THRB: variants seen among roughly 807,000 people sequenced by gnomAD.
THRB encodes the protein thyroid hormone receptor beta, also known as nuclear receptor subfamily 1 group A member 2.
A neutral mutation model predicts 47.8 loss-of-function variants in THRB; 12 were observed. The ratio of observed to expected loss-of-function variants is 0.25; its 90% CI spans 0.16 to 0.41. The LOEUF is 0.41. THRB is among the 10% of genes least tolerant of loss of function. The pLI is 1.00. For synonymous variants in THRB, 218 were observed against 212.2 expected, an observed-to-expected ratio of 1.03 and a Z score of -0.24; for missense variants, 348 against 589.2, an observed-to-expected ratio of 0.59 and a Z score of 4.24.
At chr3:24,381,894 C>G (rs1213940057) in intron 1 of THRB, among the ~76,000 whole-genome samples, 1 of 151,518 alleles carries the variant, frequency 6.6e-6, no homozygotes, top group Non-Finnish European at 1.5e-5. Context: ...AATAGATGGT[C>G]TAGCTAACAC....
chr3:24,321,496 T>C (rs947896771), intron 2 of THRB, among the ~76,000 whole-genome samples: 11 of 152,272 alleles, frequency 7.2e-5, no homozygotes, highest in Admixed American at 2.0e-4. Flanking sequence ...ATCCAAAAGG[T>C]CAACTATAAA....
chr3:24,131,484 G>C (rs2033853977), intron 9 of THRB, among the ~76,000 whole-genome samples: 1 of 152,208 alleles, frequency 6.6e-6, no homozygotes, highest in African/African-American at 2.4e-5. Flanking sequence ...ATGAGTCATT[G>C]CTACTGCAAG....
chr3:24,311,786 C>T (rs2149209618), intron 2 of THRB, among the ~76,000 whole-genome samples: 1 of 152,318 alleles, frequency 6.6e-6, no homozygotes, highest in Non-Finnish European at 1.5e-5. Flanking sequence ...AACAGCCTTG[C>T]AAATGGCCTG....
Position 24,328,527 on chromosome 3 carries a change from C to T in THRB, c.-189+8773G>A, listed in dbSNP as rs539458508. Among the ~76,000 whole-genome samples, 22 of 152,290 alleles carry T rather than the reference C, an allele frequency of 1.4e-4. No homozygotes were observed. In the South Asian group the frequency reaches 4.4e-3, roughly 30 times the overall value. Reference sequence around the variant, plus strand: ...GTCTTCCCTAGTTCAGTGAATGTCACCTACTTACACCCACTGCTTAAGACA... The same window carrying T: ...GTCTTCCCTAGTTCAGTGAATGTCATCTACTTACACCCACTGCTTAAGACA... On this transcript the variant is annotated intron_variant, in intron 2 of 10. Coordinates refer to ENST00000646209, the MANE Select transcript of THRB (RefSeq NM_001354712.2).
intron 8 of THRB, among the ~76,000 whole-genome samples, chr3:24,142,268 G>T (rs749120751): frequency 3.0e-4 from 45 of 152,188 alleles, no homozygotes; most frequent in Non-Finnish European, 3.7e-4. Flanking sequence ...GTTAATGAAT[G>T]AAAAGCACTT....
At chr3:24,486,545 C>T (rs1389348837) in intron 1 of THRB, 1 of 152,184 alleles carries the variant, frequency 6.6e-6, no homozygotes, top group African/African-American at 2.4e-5. Flanking sequence ...ATCAATGATA[C>T]ATGAATGCAT....
intron 1 of THRB, among the ~76,000 whole-genome samples, chr3:24,426,586 T>C (rs1043008983): frequency 2.0e-5 from 3 of 151,964 alleles, no homozygotes; most frequent in African/African-American, 7.2e-5. Flanking sequence ...GTACCCGAGA[T>C]GCTCTAAGAC....
chr3:24,382,254 T>C (rs1433219990), intron 1 of THRB, among the ~76,000 whole-genome samples: 2 of 152,038 alleles, frequency 1.3e-5, no homozygotes, highest in Non-Finnish European at 2.9e-5. Flanking sequence ...CAAAGCGTCA[T>C]TAGGAAAAAA....
chr3:24,210,101 C>A (rs1195069029), intron 4 of THRB, among the ~76,000 whole-genome samples: 7 of 152,112 alleles, frequency 4.6e-5, no homozygotes, highest in African/African-American at 1.4e-4. Flanking sequence ...TCACTTAGGA[C>A]AATGTGGCAA....
chr3:24,351,309 G>C (rs973276468), intron 1 of THRB, among the ~76,000 whole-genome samples: 1 of 151,950 alleles, frequency 6.6e-6, no homozygotes, highest in African/African-American at 2.4e-5. Context: ...GTTACGTAAA[G>C]GATATAATAC....
At chr3:24,215,479 A>G (rs773087162) in intron 4 of THRB, among the ~76,000 whole-genome samples, 2 of 152,236 alleles carry the variant, frequency 1.3e-5, no homozygotes, top group Non-Finnish European at 2.9e-5. Context: ...TGGGTAAAAC[A>G]GACCATCCTA....
chr3:24,146,858 A>G lies in THRB; in HGVS notation c.385-36T>C, dbSNP rs79187081. The G allele has an allele frequency of 0.01, 16,116 of 1,604,550 alleles. 108 individuals carry two copies. Among genetic ancestry groups the G allele is most frequent in the Middle Eastern group, 0.011 (66 of 6,016 alleles). Reference sequence around the variant, plus strand: ...AACAAAGACCCAAGACAACAGTTTCATATTTTCTTGAAATCAGTGATTCTG... The same window carrying G: ...AACAAAGACCCAAGACAACAGTTTCGTATTTTCTTGAAATCAGTGATTCTG... On this transcript the variant is annotated intron_variant, in intron 6 of 10. Coordinates refer to ENST00000646209, the MANE Select transcript of THRB (RefSeq NM_001354712.2).
chr3:24,409,376 AATAATGCAAACCCTTTGTGATAATG>A (rs1248900443), intron 1 of THRB, among the ~76,000 whole-genome samples: 1 of 151,854 alleles, frequency 6.6e-6, no homozygotes, highest in Non-Finnish European at 1.5e-5. Flanking sequence ...GGAAATAAAA[AATAATGCAAACCCTTTGTGATAATG>A]ACTTCTGGGA....
chr3:24,291,279 T>C (rs981266410), intron 3 of THRB, among the ~76,000 whole-genome samples: 2 of 152,234 alleles, frequency 1.3e-5, no homozygotes, highest in African/African-American at 2.4e-5. Context: ...CTTTTGAATA[T>C]TGAGTCCTGC....
chr3:24,239,488 T>C (rs1559702841), intron 3 of THRB, among the ~76,000 whole-genome samples: 1 of 152,216 alleles, frequency 6.6e-6, no homozygotes, highest in East Asian at 1.9e-4. Flanking sequence ...TACATCATCA[T>C]TATTATTATT....
intron 1 of THRB, among the ~76,000 whole-genome samples, chr3:24,346,838 T>A (rs985043941): frequency 3.9e-5 from 6 of 152,026 alleles, no homozygotes; most frequent in African/African-American, 1.2e-4. Context: ...TGGGAGGGTT[T>A]AATACACCTC....
chr3:24,250,304 C>T (rs1315909884), intron 3 of THRB, among the ~76,000 whole-genome samples: 1 of 152,132 alleles, frequency 6.6e-6, no homozygotes, highest in Non-Finnish European at 1.5e-5. Flanking sequence ...GTATTGACTG[C>T]CTGTTGGTGC....
At chr3:24,142,374 T>C (rs545939372) in intron 8 of THRB, among the ~76,000 whole-genome samples, 5 of 152,380 alleles carry the variant, frequency 3.3e-5, no homozygotes, top group African/African-American at 1.2e-4. Flanking sequence ...TATTGTTTCA[T>C]TACAACGAAA....
chr3:24,336,880 C>A (rs1002803653), intron 2 of THRB, among the ~76,000 whole-genome samples: 1 of 152,052 alleles, frequency 6.6e-6, no homozygotes, highest in Non-Finnish European at 1.5e-5. Flanking sequence ...CACCACCACG[C>A]CTGGCTAATT....
Sources: allele counts gnomAD v4.1 joint callset (sites outside exome capture counted in the v4.1 genomes callset), GRCh38; gene constraint gnomAD v4.1.1; transcripts MANE v1.5; gene names NCBI Gene and HGNC (gene_info 2026-07-23, HGNC 2026-07-21).